Variants in TUSC3 observed in about 807,000 individuals in gnomAD.
The protein encoded by TUSC3 is tumor suppressor candidate 3, also known as dolichyl-diphosphooligosaccharide--protein glycosyltransferase subunit TUSC3.
Under a neutral mutation model 44.8 loss-of-function variants are expected in TUSC3, and 45 were observed. That is an observed-to-expected ratio of 1.00 (90% confidence interval 0.79 to 1.29). The LOEUF (loss-of-function observed/expected upper bound fraction) is 1.29, where lower values mean the gene tolerates loss of function less well. Ranked by LOEUF, TUSC3 falls within the 50% of genes most tolerant of loss-of-function variation. The pLI, the probability that TUSC3 is intolerant of heterozygous loss-of-function variation, is 0.00. For missense variants in TUSC3, 519 were observed against 437.9 expected (o/e 1.19, Z -1.65); for synonymous variants, 212 against 152.9 (o/e 1.39, Z -2.85).
intron 2 of TUSC3, among the ~76,000 whole-genome samples, chr8:15,504,607 ATATATATATATATAT>A (rs1440599490): frequency 4.0e-3 from 101 of 25,112 alleles, no homozygotes; most frequent in East Asian, 0.012. Context: ...ATATATATAT[ATATATATATATATAT>A]TTTTTTTTTT....
At chr8:15,716,010 C>G (rs1810042153) in intron 6 of TUSC3, among the ~76,000 whole-genome samples, 1 of 152,088 alleles carries the variant, frequency 6.6e-6, no homozygotes. Flanking sequence ...AATCCCAGCA[C>G]TTTTGGAGGC....
At chr8:15,540,984 A>G (rs989521981) in intron 1 of TUSC3, among the ~76,000 whole-genome samples, 4 of 152,248 alleles carry the variant, frequency 2.6e-5, no homozygotes, top group Non-Finnish European at 5.9e-5. Flanking sequence ...TCAAGAAGCA[A>G]CAGAACCTGT....
intron 1 of TUSC3, among the ~76,000 whole-genome samples, chr8:15,569,823 G>C (rs1269463508): frequency 6.6e-6 from 1 of 152,068 alleles, no homozygotes; most frequent in Non-Finnish European, 1.5e-5. Flanking sequence ...TCACACTCTT[G>C]TGTATGATTT....
At chr8:15,642,433 A>G (rs1302975823) in intron 2 of TUSC3, among the ~76,000 whole-genome samples, 1 of 152,214 alleles carries the variant, frequency 6.6e-6, no homozygotes, top group East Asian at 1.9e-4. Context: ...TTCCTGGCAT[A>G]CACTAAATCT....
chr8:15,598,752 A>G (rs546472107), intron 1 of TUSC3, among the ~76,000 whole-genome samples: 72 of 151,586 alleles, frequency 4.7e-4, no homozygotes, highest in African/African-American at 1.7e-3. Context: ...AGTTTTCTCT[A>G]TGTTTTTTCA....
chr8:15,583,364 C>G lies in TUSC3; in HGVS notation c.139-39716C>G, dbSNP rs537570729. On this transcript the variant is annotated intron_variant, in intron 1 of 10. Transcript: ENST00000503731. ...ATAAAACTCACTTTAGATTTGAAAG[C>G]TAGAGCTAGCGCAGAGAAGATTGAC... Among the ~76,000 whole-genome samples the G allele has an allele frequency of 2.0e-5, 3 of 152,210 alleles. No homozygotes were observed. The South Asian group carries it at 6.2e-4, about 32-fold the overall frequency.
intron 6 of TUSC3, among the ~76,000 whole-genome samples, chr8:15,714,447 A>G (rs1809985531): frequency 6.6e-6 from 1 of 152,168 alleles, no homozygotes; most frequent in South Asian, 2.1e-4. Flanking sequence ...TTACATTACA[A>G]TAAAGGCACT....
chr8:15,658,531 T>G (rs1312643414), intron 3 of TUSC3, among the ~76,000 whole-genome samples: 19 of 152,032 alleles, frequency 1.2e-4, no homozygotes, highest in Admixed American at 1.2e-3. Flanking sequence ...AATACTGAAC[T>G]GTACTGCAAG....
intron 1 of TUSC3, among the ~76,000 whole-genome samples, chr8:15,458,009 T>G (rs36148756): frequency 0.16 from 23,777 of 151,794 alleles, 2,030 homozygotes; most frequent in Admixed American, 0.25. Flanking sequence ...GTACTTTGTA[T>G]AAAGTTAAAA....
At chr8:15,796,957 T>A in the TUSC3 span, among the ~76,000 whole-genome samples, 4 of 152,172 alleles carry the variant, frequency 2.6e-5, 1 homozygote, top group South Asian at 8.3e-4. Flanking sequence ...AAGGGCGTTA[T>A]AATTTGCTAC....
intron 1 of TUSC3, among the ~76,000 whole-genome samples, chr8:15,570,265 T>TACACACACACACACACAC (rs3070896): frequency 6.8e-6 from 1 of 148,060 alleles, no homozygotes; most frequent in Non-Finnish European, 1.5e-5. Context: ...TAATGTATTT[T>TACACACACACACACACAC]ACACACACAC....
At chr8:15,671,775 G>C (rs1034292097) in intron 5 of TUSC3, among the ~76,000 whole-genome samples, 3 of 151,952 alleles carry the variant, frequency 2.0e-5, no homozygotes, top group Non-Finnish European at 4.4e-5. Context: ...TTTATCCTCA[G>C]CTTCTAAATT....
At chr8:15,508,649 G>C (rs1801092185) in intron 2 of TUSC3, among the ~76,000 whole-genome samples, 1 of 151,872 alleles carries the variant, frequency 6.6e-6, no homozygotes, top group Non-Finnish European at 1.5e-5. Context: ...TTTTAGTAGA[G>C]ACCAGGTTTC....
intron 2 of TUSC3, among the ~76,000 whole-genome samples, chr8:15,484,439 TG>T (rs1800709214): frequency 6.6e-6 from 1 of 152,248 alleles, no homozygotes; most frequent in African/African-American, 2.4e-5. Flanking sequence ...TAAACGCTTT[TG>T]TTTTCTTTAC....
At chr8:15,808,047 T>C in the TUSC3 span, among the ~76,000 whole-genome samples, 9 of 152,230 alleles carry the variant, frequency 5.9e-5, no homozygotes, top group Non-Finnish European at 8.8e-5. Context: ...AAAAACTTTA[T>C]GCTAGTATAA....
At position 15,729,683 on chromosome 8, in the gene TUSC3, G is replaced by T. The variant is rs76696774; in HGVS notation, c.799-983G>T. Among the ~76,000 whole-genome samples, 1,050 of 152,152 alleles carry T rather than the reference G, an allele frequency of 6.9e-3. 29 individuals are homozygous for T. The East Asian group carries it at 0.096, about 14-fold the overall frequency. On this transcript the variant is annotated intron_variant, in intron 6 of 10. Coordinates refer to ENST00000503731, the MANE Select transcript of TUSC3 (RefSeq NM_006765.4). The stretch of plus-strand genomic sequence containing the variant: ...ATTGAGTACACATGGACAGAGAGGG[G>T]AACAGTAGACCCTGGGGCTTACTTG...
the TUSC3 span, among the ~76,000 whole-genome samples, chr8:15,843,771 A>G: frequency 0.093 from 14,127 of 152,008 alleles, 771 homozygotes; most frequent in Middle Eastern, 0.21. Context: ...TCCAGATTAT[A>G]TACTTAGTAC....
At chr8:15,775,722 A>G in the TUSC3 span, among the ~76,000 whole-genome samples, 1 of 140,876 alleles carries the variant, frequency 7.1e-6, no homozygotes, top group Admixed American at 7.6e-5. Context: ...ATATACACAC[A>G]CAAACATATA....
chr8:15,587,134 A>G (rs1041780807), intron 1 of TUSC3, among the ~76,000 whole-genome samples: 1 of 152,182 alleles, frequency 6.6e-6, no homozygotes, highest in Non-Finnish European at 1.5e-5. Flanking sequence ...TAGTAATTTC[A>G]TAATTAACTT....
Sources: allele counts gnomAD v4.1 joint callset (sites outside exome capture counted in the v4.1 genomes callset), GRCh38; gene constraint gnomAD v4.1.1; transcripts MANE v1.5; gene names NCBI Gene and HGNC (gene_info 2026-07-23, HGNC 2026-07-21).